Variants in PSD3 observed in about 807,000 individuals in gnomAD.
PSD3 encodes pleckstrin and Sec7 domain containing 3.
A neutral mutation model predicts 105.5 loss-of-function variants in PSD3; 49 were observed. That is an observed-to-expected ratio of 0.46 (90% CI 0.37 to 0.59). PSD3 has a LOEUF of 0.59. Ranked by LOEUF, PSD3 falls within the 20% of genes least tolerant of loss-of-function variation. PSD3 has a pLI of 0.00. For synonymous variants in PSD3, 557 were observed against 457.8 expected (o/e 1.22, Z -2.77); for missense variants, 1,561 against 1,263.8 (o/e 1.24, Z -3.57).
At chr8:18,906,717 G>T (rs978982258) in intron 2 of PSD3, among the ~76,000 whole-genome samples, 1 of 152,126 alleles carries the variant, frequency 6.6e-6, no homozygotes, top group Non-Finnish European at 1.5e-5. Context: ...TTAAAACTCA[G>T]ATTTAGAAAT....
chr8:18,924,097 C>G (rs1821207935), intron 2 of PSD3, among the ~76,000 whole-genome samples: 1 of 152,140 alleles, frequency 6.6e-6, no homozygotes, highest in Admixed American at 6.6e-5. Flanking sequence ...AGGCTACCAG[C>G]ATACAGCCCA....
chr8:18,849,917 C>A (rs73582608), intron 4 of PSD3, among the ~76,000 whole-genome samples: 1 of 152,328 alleles, frequency 6.6e-6, no homozygotes, highest in African/African-American at 2.4e-5. Context: ...GTGACTGTTT[C>A]CCACCACTAG....
At chr8:18,674,814 C>A (rs979071656) in intron 9 of PSD3, among the ~76,000 whole-genome samples, 1 of 152,132 alleles carries the variant, frequency 6.6e-6, no homozygotes, top group Non-Finnish European at 1.5e-5. Context: ...CAAGACCAGA[C>A]TGGGCAACAT....
At chr8:18,721,206 T>A (rs1415758173) in intron 9 of PSD3, 3 of 152,018 alleles carry the variant, frequency 2.0e-5, no homozygotes, top group African/African-American at 7.2e-5. Flanking sequence ...GTGTGCAATT[T>A]CTGATACTGT....
chr8:18,729,829 A>G (rs1002777098), intron 9 of PSD3, among the ~76,000 whole-genome samples: 1 of 152,192 alleles, frequency 6.6e-6, no homozygotes, highest in Admixed American at 6.5e-5. Flanking sequence ...ATAAATCCTC[A>G]TGCTAAACCT....
At chr8:18,826,338 AC>A (rs1813184592) in intron 4 of PSD3, among the ~76,000 whole-genome samples, 1 of 152,142 alleles carries the variant, frequency 6.6e-6, no homozygotes, top group African/African-American at 2.4e-5. Flanking sequence ...GATAGATAGC[AC>A]CTATTGATTC....
At chr8:18,885,110 C>T (rs1818370897) in intron 2 of PSD3, among the ~76,000 whole-genome samples, 3 of 152,154 alleles carry the variant, frequency 2.0e-5, no homozygotes, top group Admixed American at 2.0e-4. Context: ...TTTGTCATAA[C>T]TTCTGGTTTT....
chr8:19,049,687 T>C (rs1828447313), intron 1 of PSD3, among the ~76,000 whole-genome samples: 1 of 82,430 alleles, frequency 1.2e-5, no homozygotes, highest in Non-Finnish European at 2.2e-5. Flanking sequence ...TAAGACCCTG[T>C]CTCAAAAAAA....
chr8:18,941,336 T>C (rs1822524740), intron 1 of PSD3, among the ~76,000 whole-genome samples: 1 of 152,178 alleles, frequency 6.6e-6, no homozygotes, highest in Non-Finnish European at 1.5e-5. Context: ...TGATAAAAAG[T>C]GTTACTCAAA....
intron 11 of PSD3, among the ~76,000 whole-genome samples, chr8:18,607,324 T>C (rs1194622792): frequency 1.3e-5 from 2 of 152,186 alleles, no homozygotes; most frequent in East Asian, 1.9e-4. Context: ...GAAGTAGTAA[T>C]AGCACAGCAA....
At position 19,056,154 on chromosome 8, in the gene PSD3, T is replaced by G. The variant is rs1019840249; in HGVS notation, c.324+28052A>C. On this transcript the variant is annotated intron_variant, in intron 1 of 1. Transcript: ENST00000521475. ...ACGTCTTCGTGGGATAACTTCCTTTTCTTTGATCGTTTTCAAATACAGGCA... is the reference window on the plus strand; with the variant it reads ...ACGTCTTCGTGGGATAACTTCCTTTGCTTTGATCGTTTTCAAATACAGGCA... Among the ~76,000 whole-genome samples the G allele has an allele frequency of 9.2e-5, 14 of 152,354 alleles. No homozygotes were observed. In the East Asian group the frequency reaches 2.7e-3, roughly 29 times the overall value.
chr8:18,698,055 G>A (rs1429536542), intron 9 of PSD3, among the ~76,000 whole-genome samples: 1 of 151,932 alleles, frequency 6.6e-6, no homozygotes, highest in East Asian at 1.9e-4. Context: ...AACTTAAGGA[G>A]AAGAGATTAC....
intron 15 of PSD3, among the ~76,000 whole-genome samples, chr8:18,538,050 G>T (rs1799936995): frequency 6.6e-6 from 1 of 152,168 alleles, no homozygotes; most frequent in Admixed American, 6.5e-5. Flanking sequence ...ATGGGCAGTA[G>T]GTATGAGGAA....
chr8:18,721,327 T>C (rs969126086), intron 9 of PSD3: 4 of 151,320 alleles, frequency 2.6e-5, no homozygotes, highest in African/African-American at 9.7e-5. Context: ...GGGTGCTATG[T>C]AAGACTCATT....
intron 15 of PSD3, among the ~76,000 whole-genome samples, chr8:18,536,187 T>A (rs1255761954): frequency 1.3e-5 from 2 of 152,230 alleles, no homozygotes; most frequent in African/African-American, 4.8e-5. Context: ...TCATTTGTTC[T>A]AGATTCTGAC....
At chr8:18,955,175 G>A (rs554232158) in intron 1 of PSD3, among the ~76,000 whole-genome samples, 4 of 152,108 alleles carry the variant, frequency 2.6e-5, no homozygotes, top group Non-Finnish European at 4.4e-5. Context: ...GATTCCCCCG[G>A]CATCTCCTTC....
intron 9 of PSD3, among the ~76,000 whole-genome samples, chr8:18,666,083 G>A (rs1799434120): frequency 6.6e-6 from 1 of 152,202 alleles, no homozygotes. Flanking sequence ...ACAGTCTTGT[G>A]TGTCACCCAG....
intron 11 of PSD3, among the ~76,000 whole-genome samples, chr8:18,624,684 T>TAA (rs35483520): frequency 1.5e-3 from 218 of 145,530 alleles, no homozygotes; most frequent in Non-Finnish European, 2.3e-3. Flanking sequence ...CTTAAAGTAT[T>TAA]AAAAAAAAAA....
intron 1 of PSD3, among the ~76,000 whole-genome samples, chr8:19,073,101 C>G (rs1306520336): frequency 6.6e-6 from 1 of 151,744 alleles, no homozygotes; most frequent in East Asian, 1.9e-4. Flanking sequence ...TCATGAATAA[C>G]TTATTTTGTT....
Sources: allele counts gnomAD v4.1 joint callset (sites outside exome capture counted in the v4.1 genomes callset), GRCh38; gene constraint gnomAD v4.1.1; transcripts MANE v1.5; gene names NCBI Gene and HGNC (gene_info 2026-07-23, HGNC 2026-07-21).